HOGA1: variants seen among roughly 807,000 people sequenced by gnomAD.
The protein encoded by HOGA1 is 4-hydroxy-2-oxoglutarate aldolase 1, also known as 4-hydroxy-2-oxoglutarate aldolase, mitochondrial.
Under a neutral mutation model 34.3 loss-of-function variants are expected in HOGA1, and 30 were observed. The observed-to-expected ratio is 0.87, with a 90% CI of 0.65 to 1.19. The LOEUF (loss-of-function observed/expected upper bound fraction) is 1.19. Among genes scored for constraint, HOGA1 ranks in the 50% most tolerant of loss-of-function variants. HOGA1 has a pLI of 0.00. For synonymous variants in HOGA1, 161 were observed against 174.0 expected, an observed-to-expected ratio of 0.93 and a Z score of 0.59; for missense variants, 417 against 436.5, an observed-to-expected ratio of 0.96 and a Z score of 0.40.
At position 97,601,898 on chromosome 10, in the gene HOGA1, GC is replaced by G. The variant is rs766897646; in HGVS notation, c.743del (p.Ala248ValfsTer32). 6.2e-7 allele frequency: 1 copy of G among 1,612,676 alleles called. No individual in the cohort carries two copies. On this transcript the variant is annotated frameshift_variant, in exon 6 of 7. Transcript: ENST00000370646. LOFTEE classifies it high-confidence loss of function. ...GVCALANVLG[A>X]QVCQLERLCC... ...CTGCGCCCTGGCCAATGTCCTGGGG[GC>G]TCAGGTGTGCCAGCTGGAGCGACTG...
At position 97,596,112 on chromosome 10, in the gene HOGA1, G is replaced by T. The variant is rs2041069497; in HGVS notation, c.212-2663G>T. Among the ~76,000 whole-genome samples the T allele has an allele frequency of 2.0e-5, 3 of 152,366 alleles. No individual in the cohort carries two copies. In the South Asian group the frequency reaches 6.2e-4, roughly 32 times the overall value. ...TATCCAGAGGTGACTCTTGAGTCTA[G>T]TGCTGCCCTGACTACGCCACACTCC... On this transcript the variant is annotated intron_variant, in intron 1 of 6. Coordinates refer to ENST00000370646, the MANE Select transcript of HOGA1 (RefSeq NM_138413.4).
intron 1 of HOGA1, among the ~76,000 whole-genome samples, chr10:97,592,212 G>A (rs964011850): frequency 6.6e-6 from 1 of 151,218 alleles, no homozygotes; most frequent in Non-Finnish European, 1.5e-5. Context: ...GTGGAGGCTG[G>A]GTGAAGGATG....
intron 5 of HOGA1, 24 bp from the exon 6 acceptor site, chr10:97,601,833 T>C (rs889140456): frequency 1.6e-5 from 25 of 1,611,682 alleles, no homozygotes; most frequent in Non-Finnish European, 1.9e-5. Flanking sequence ...CTCTGGCTGA[T>C]GTTCTGCGTC....
At chr10:97,590,899 C>T (rs2041016940) in intron 1 of HOGA1, 1 of 350,780 alleles carries the variant, frequency 2.9e-6, no homozygotes, top group African/African-American at 2.1e-5. Flanking sequence ...GATGTCATTG[C>T]CTGGAACGGA....
rs751313514 is a variant in HOGA1 at position 97,598,776 on chromosome 10, C to T, written c.213C>T (p.Gly71=). The change falls in exon 2 of 7, where the codon GGC becomes GGT. Residue 71 remains glycine, a splice_region_variant and synonymous_variant. Coordinates refer to ENST00000370646, the MANE Select transcript of HOGA1 (RefSeq NM_138413.4). ...LHKLGTFPFR[G]FVVQGSNGEF... is the part of the protein sequence containing the mutation. ...GTTAGTCAGCTGTGTCTCTTGCAGGCTTCGTGGTCCAGGGCTCCAATGGCG... is the reference window on the plus strand; with the variant it reads ...GTTAGTCAGCTGTGTCTCTTGCAGGTTTCGTGGTCCAGGGCTCCAATGGCG... 8.7e-6 allele frequency: 14 copies of T among 1,614,060 alleles called. No individual in the cohort carries two copies. In the African/African-American group the frequency reaches 1.5e-4, roughly 17 times the overall value.
At chr10:97,596,558 T>C (rs1029990285) in intron 1 of HOGA1, among the ~76,000 whole-genome samples, 11 of 152,188 alleles carry the variant, frequency 7.2e-5, no homozygotes, top group Non-Finnish European at 1.6e-4. Flanking sequence ...CGGAGAGCAC[T>C]GCAGCCCCAT....
At chr10:97,600,955 A>T (rs993732945) in intron 5 of HOGA1, 2 of 148,590 alleles carry the variant, frequency 1.3e-5, no homozygotes, top group African/African-American at 2.5e-5. Flanking sequence ...GATTAAAAAT[A>T]AAAAAAAAAG....
At chr10:97,611,455 A>G in intron 6 of HOGA1, 55 bp from the exon 7 acceptor site, 1 of 1,603,530 alleles carries the variant, frequency 6.2e-7, no homozygotes. Flanking sequence ...TCCGAGTTCC[A>G]GATATGGGTG....
chr10:97,602,657 G>A (rs1453361682), intron 6 of HOGA1: 3 of 853,488 alleles, frequency 3.5e-6, no homozygotes, highest in East Asian at 2.5e-4. Context: ...CCTCCTTTCT[G>A]TCTTTCTTTC....
chr10:97,595,861 G>A (rs764227022), intron 1 of HOGA1, among the ~76,000 whole-genome samples: 22 of 152,110 alleles, frequency 1.4e-4, no homozygotes, highest in Non-Finnish European at 2.6e-4. Context: ...GGAGATCCTG[G>A]CCTTTTCCTC....
At chr10:97,610,630 C>G (rs996155452) in intron 6 of HOGA1, among the ~76,000 whole-genome samples, 1 of 151,942 alleles carries the variant, frequency 6.6e-6, no homozygotes, top group Non-Finnish European at 1.5e-5. Flanking sequence ...ACTAAAAATA[C>G]AAAAATAAAA....
Position 97,612,019 on chromosome 10 carries a change from CTT to C in HOGA1, c.*374_*375del, listed in dbSNP as rs869302447. On this transcript the variant is annotated 3_prime_UTR_variant, in exon 7 of 7. Transcript: ENST00000370646. ...AGGCACAGTAAGGGAATTTTCTTTT[CTT>C]TTTTTTTTTTTTTGAGACAGAGTTT... 3.2e-3 allele frequency: 490 copies of C among 155,184 alleles called. No individual in the cohort carries two copies. The highest frequency in any genetic ancestry group is 0.01 in the South Asian group (74 of 7,084). 9.6% of individuals were successfully genotyped at this position (155,184 alleles called of 1,614,324 possible).
intron 1 of HOGA1, among the ~76,000 whole-genome samples, chr10:97,586,032 G>A (rs2040968355): frequency 6.6e-6 from 1 of 151,964 alleles, no homozygotes; most frequent in Non-Finnish European, 1.5e-5. Flanking sequence ...AGCTACTCGG[G>A]AGACTGAGGC....
chr10:97,604,752 C>T (rs966038146), intron 6 of HOGA1, among the ~76,000 whole-genome samples: 3 of 152,030 alleles, frequency 2.0e-5, no homozygotes, highest in Non-Finnish European at 2.9e-5. Flanking sequence ...GAGGCCGAGG[C>T]GGGCAGATCA....
At position 97,599,787 on chromosome 10, in the gene HOGA1, T is replaced by G. The variant is rs1333379297; in HGVS notation, c.576T>G (p.Ile192Met). 1.9e-6 allele frequency: 3 copies of G among 1,614,166 alleles called. No homozygotes were observed. In the South Asian group the frequency reaches 3.3e-5, roughly 18 times the overall value. ...TCACGCTTTCCCAGCACCCGAATAT[T>G]GTGGGCATGAAGGACAGCGGTGGTG... is the stretch of plus-strand genomic sequence containing the variant. ...AVVTLSQHPN[I>M]VGMKDSGGDV... The change falls in exon 4 of 7, where the codon ATT becomes ATG. Residue 192 changes from isoleucine to methionine, a missense_variant. By Grantham distance (10) the Ile-to-Met change is conservative. Transcript: ENST00000370646.
chr10:97,607,183 A>G (rs1416351491), intron 6 of HOGA1, among the ~76,000 whole-genome samples: 1 of 150,722 alleles, frequency 6.6e-6, no homozygotes, highest in African/African-American at 2.4e-5. Flanking sequence ...CCTGGAGGGT[A>G]GAAGAGCCCC....
At position 97,599,942 on chromosome 10, in the gene HOGA1, G is replaced by A. The variant is rs1010292373; in HGVS notation, c.604-125G>A. The stretch of plus-strand genomic sequence containing the variant: ...TCTGTGTGGATTCTCTCTGTCGTGC[G>A]GGCTCTCTGGGACTTTCTTGAGGGC... On this transcript the variant is annotated intron_variant, in intron 4 of 6. Transcript: ENST00000370646. The A allele has an allele frequency of 1.5e-5, 23 of 1,508,570 alleles. No homozygotes were observed. In the African/African-American group the frequency reaches 1.6e-4, roughly 11 times the overall value. 93.4% of individuals were successfully genotyped at this position (1,508,570 alleles called of 1,614,324 possible). A position where few individuals can be genotyped will look rare whatever the true frequency, so the allele number is the denominator to read the frequency against.
At chr10:97,605,574 C>T (rs1342428976) in intron 6 of HOGA1, among the ~76,000 whole-genome samples, 1 of 152,094 alleles carries the variant, frequency 6.6e-6, no homozygotes, top group Admixed American at 6.6e-5. Flanking sequence ...GCTTTGCCAG[C>T]ATTTGTTGTG....
At chr10:97,602,490 G>A (rs557856121) in intron 6 of HOGA1, 1 of 985,342 alleles carries the variant, frequency 1.0e-6, no homozygotes, top group Non-Finnish European at 1.2e-6. Context: ...TCTTTGTTGG[G>A]CAAGCAAAGG....
Sources: allele counts gnomAD v4.1 joint callset (sites outside exome capture counted in the v4.1 genomes callset), GRCh38; gene constraint gnomAD v4.1.1; transcripts MANE v1.5; gene names NCBI Gene and HGNC (gene_info 2026-07-23, HGNC 2026-07-21).